PTPN13: variants seen among roughly 807,000 people sequenced by gnomAD.
The protein encoded by PTPN13 is protein tyrosine phosphatase non-receptor type 13.
Under a neutral mutation model 284.0 loss-of-function variants are expected in PTPN13, and 191 were observed. The observed-to-expected ratio is 0.67, with a 90% confidence interval of 0.60 to 0.76. The LOEUF is 0.76. Among genes scored for constraint, PTPN13 ranks in the 30% least tolerant of loss-of-function variants. PTPN13 has a pLI of 0.00. For synonymous variants in PTPN13, 986 were observed against 1,022.3 expected, an observed-to-expected ratio of 0.96 and a Z score of 0.68; for missense variants, 2,797 against 2,939.9, an observed-to-expected ratio of 0.95 and a Z score of 1.12.
rs755854008 is a variant in PTPN13, at chr4:86,769,922, T to C, written c.4643T>C (p.Ile1548Thr). ...CAGCCAGCAGCAGAAAGTGGAAAAATTGATGTAGGAGATGTTATCTTGAAA... is the reference window on the plus strand; with the variant it reads ...CAGCCAGCAGCAGAAAGTGGAAAAACTGATGTAGGAGATGTTATCTTGAAA... The part of the protein sequence containing the change: ...PGQPAAESGK[I>T]DVGDVILKVN... The change falls in exon 29 of 48, where the codon ATT becomes ACT. Residue 1548 changes from isoleucine to threonine, a missense_variant. Transcript: ENST00000411767. 6.2e-7 allele frequency: 1 copy of C among 1,613,670 alleles called. No homozygotes were observed. The highest frequency in any genetic ancestry group is 1.3e-5 in the African/African-American group (1 of 74,850).
chr4:86,642,353 A>G (rs1269158657), intron 2 of PTPN13, among the ~76,000 whole-genome samples: 2 of 151,914 alleles, frequency 1.3e-5, no homozygotes, highest in Non-Finnish European at 2.9e-5. Context: ...TTGAAATAAA[A>G]GTTCTGGGAA....
At chr4:86,789,956 C>T (rs1742432124) in intron 40 of PTPN13, among the ~76,000 whole-genome samples, 1 of 150,852 alleles carries the variant, frequency 6.6e-6, no homozygotes, top group African/African-American at 2.4e-5. Context: ...TAACTTATTT[C>T]TAATTGAGCT....
At chr4:86,790,376 C>A (rs1300024244) in intron 40 of PTPN13, among the ~76,000 whole-genome samples, 2 of 152,098 alleles carry the variant, frequency 1.3e-5, no homozygotes, top group Admixed American at 1.3e-4. Flanking sequence ...ATGTCACAGA[C>A]ATAAGTGTGT....
chr4:86,714,248 C>G (rs190820213), intron 7 of PTPN13, among the ~76,000 whole-genome samples: 2 of 152,164 alleles, frequency 1.3e-5, no homozygotes, highest in East Asian at 3.9e-4. Flanking sequence ...AAACAGGCTC[C>G]CAAGAGGTGA....
At chr4:86,659,572 T>C (rs1014075612) in intron 2 of PTPN13, among the ~76,000 whole-genome samples, 1 of 152,152 alleles carries the variant, frequency 6.6e-6, no homozygotes, top group Non-Finnish European at 1.5e-5. Context: ...TCCCAGCACT[T>C]TGGGAGGCCA....
intron 3 of PTPN13, among the ~76,000 whole-genome samples, chr4:86,675,094 A>G (rs1254880500): frequency 6.6e-6 from 1 of 152,194 alleles, no homozygotes; most frequent in Non-Finnish European, 1.5e-5. Flanking sequence ...CTAGATCCCC[A>G]CACAAGTTAA....
At chr4:86,627,471 G>A (rs1721966082) in intron 1 of PTPN13, among the ~76,000 whole-genome samples, 1 of 151,552 alleles carries the variant, frequency 6.6e-6, no homozygotes, top group African/African-American at 2.4e-5. Context: ...ACAAAGAAAA[G>A]GATTGCTGTT....
chr4:86,641,119 A>G (rs1282305554), intron 2 of PTPN13, among the ~76,000 whole-genome samples: 2 of 152,164 alleles, frequency 1.3e-5, no homozygotes, highest in Admixed American at 6.5e-5. Context: ...TGATCACACA[A>G]TATCTTTTTG....
In PTPN13 at chr4:86,710,290, G is replaced by A. The variant is rs115585315; in HGVS notation, c.1196-6240G>A. ...TCTTCGAAACTTGTGTCTGTAATTT[G>A]GGTCATGTATTAAAGGTAAAGAAAT... On this transcript the variant is annotated intron_variant, in intron 7 of 47. Transcript: ENST00000411767. 9.0e-3 allele frequency among the ~76,000 whole-genome samples: 1,368 copies of A among 152,202 alleles called. 14 individuals are homozygous for A. Among genetic ancestry groups the A allele is most frequent in the Non-Finnish European group, 0.015 (1,034 of 67,988 alleles).
chr4:86,762,838 G>T lies in PTPN13; in HGVS notation c.3665G>T (p.Arg1222Leu). ...DSSSKDHHWSRGTLRHISENS... is the reference protein window; with the variant it reads ...DSSSKDHHWSLGTLRHISENS... Reference sequence around the variant, plus strand: ...TCTTCCAAGGATCACCACTGGTCACGTGGTACCCTGAGGCACATCTCGGAG... The same window carrying T: ...TCTTCCAAGGATCACCACTGGTCACTTGGTACCCTGAGGCACATCTCGGAG... The change falls in exon 24 of 48, where the codon CGT becomes CTT. Residue 1222 changes from arginine to leucine, a missense_variant. Arg to Leu is a moderately radical substitution (Grantham distance 102, BLOSUM62 -2). Transcript: ENST00000411767. 6.2e-7 allele frequency: 1 copy of T among 1,613,794 alleles called. No homozygotes were observed. The highest frequency in any genetic ancestry group is 1.1e-5 in the South Asian group (1 of 91,060).
At chr4:86,660,305 C>A (rs991013617) in intron 2 of PTPN13, among the ~76,000 whole-genome samples, 1 of 151,950 alleles carries the variant, frequency 6.6e-6, no homozygotes. Context: ...AAGTGTAAAA[C>A]TTCCCATCTG....
chr4:86,675,688 T>G (rs1305441380), intron 3 of PTPN13, among the ~76,000 whole-genome samples: 1 of 152,200 alleles, frequency 6.6e-6, no homozygotes, highest in Non-Finnish European at 1.5e-5. Flanking sequence ...AAAACTTTAC[T>G]TTTCAAGATA....
chr4:86,608,312 TGATATTTTGCCCGAA>T (rs1245309569), intron 1 of PTPN13, among the ~76,000 whole-genome samples: 1 of 152,092 alleles, frequency 6.6e-6, no homozygotes, highest in Non-Finnish European at 1.5e-5. Flanking sequence ...GAACAAATTA[TGATATTTTGCCCGAA>T]GATTTTTTTC....
intron 23 of PTPN13, among the ~76,000 whole-genome samples, chr4:86,759,277 T>TTA (rs1345452121): frequency 2.0e-5 from 3 of 152,124 alleles, no homozygotes; most frequent in Non-Finnish European, 4.4e-5. Context: ...TACATAATAG[T>TTA]TATATATAAA....
chr4:86,600,457 T>TATA (rs1376869022), intron 1 of PTPN13, among the ~76,000 whole-genome samples: 1 of 131,934 alleles, frequency 7.6e-6, no homozygotes, highest in African/African-American at 3.0e-5. Context: ...TTTTTTTTTT[T>TATA]TACCTATTCT....
chr4:86,759,182 T>G, intron 23 of PTPN13, 109 bp downstream of exon 23: 2 of 1,131,960 alleles, frequency 1.8e-6, no homozygotes, highest in South Asian at 1.6e-5. Context: ...TTGATGCAAC[T>G]TAAGTAAACT....
intron 2 of PTPN13, among the ~76,000 whole-genome samples, chr4:86,652,769 T>C (rs375284559): frequency 6.6e-6 from 1 of 152,306 alleles, no homozygotes; most frequent in East Asian, 1.9e-4. Context: ...TGGTGTTCTG[T>C]GATCTTTTCA....
intron 2 of PTPN13, among the ~76,000 whole-genome samples, chr4:86,655,380 C>T (rs1445842600): frequency 1.3e-5 from 2 of 152,072 alleles, no homozygotes; most frequent in South Asian, 2.1e-4. Context: ...TGGCTGGTAC[C>T]GGTTGTTCTT....
intron 10 of PTPN13, among the ~76,000 whole-genome samples, chr4:86,726,498 G>A (rs1401029070): frequency 1.3e-5 from 2 of 149,270 alleles, no homozygotes; most frequent in African/African-American, 4.9e-5. Flanking sequence ...TCGTTGAACA[G>A]TGGTTTGTAG....
Sources: allele counts gnomAD v4.1 joint callset (sites outside exome capture counted in the v4.1 genomes callset), GRCh38; gene constraint gnomAD v4.1.1; transcripts MANE v1.5; gene names NCBI Gene and HGNC (gene_info 2026-07-23, HGNC 2026-07-21).